Variants in ATL3 observed in about 807,000 individuals in gnomAD.
ATL3 encodes the protein atlastin-3.
A neutral mutation model predicts 69.5 loss-of-function variants in ATL3; 49 were observed. The observed-to-expected ratio is 0.71, with a 90% CI of 0.56 to 0.89. The LOEUF (loss-of-function observed/expected upper bound fraction) is 0.89. Among genes scored for constraint, ATL3 ranks in the 40% least tolerant of loss-of-function variants. The pLI is 0.00. For missense variants in ATL3, 606 were observed against 645.7 expected (o/e 0.94, Z 0.67); for synonymous variants, 214 against 224.1 (o/e 0.95, Z 0.40).
chr11:63,663,047 C>T (rs1004100059), intron 1 of ATL3, among the ~76,000 whole-genome samples: 5 of 152,192 alleles, frequency 3.3e-5, no homozygotes, highest in Non-Finnish European at 7.3e-5. Flanking sequence ...AAGACTCTCT[C>T]CCCTTCAAGC....
intron 1 of ATL3, among the ~76,000 whole-genome samples, chr11:63,667,883 T>C (rs1381485863): frequency 2.0e-5 from 3 of 152,038 alleles, no homozygotes; most frequent in African/African-American, 7.2e-5. Flanking sequence ...TACAGGCTAT[T>C]GAGCAGCATC....
Position 63,631,222 on chromosome 11 carries a change from C to T in ATL3, c.1357G>A (p.Ala453Thr). The T allele has an allele frequency of 1.2e-6, 2 of 1,614,210 alleles. No homozygotes were observed. The highest frequency in any genetic ancestry group is 1.7e-6 in the Non-Finnish European group (2 of 1,180,026). The change falls in exon 12 of 13, where the codon GCT becomes ACT. Residue 453 changes from alanine (A) to threonine (T), a missense_variant. By Grantham distance (58) the Ala-to-Thr change is moderately conservative. Coordinates refer to ENST00000398868, the MANE Select transcript of ATL3 (RefSeq NM_015459.5). ...TPAVLFTGIV[A>T]LYIASGLTGF... is the part of the protein sequence containing the mutation. ...GTGAGGCCTGAGGCTATGTACAAAG[C>T]TACAATGCCCGTGAACAGCACTGCA...
At chr11:63,654,210 G>A (rs1471686326) in intron 3 of ATL3, among the ~76,000 whole-genome samples, 6 of 149,712 alleles carry the variant, frequency 4.0e-5, no homozygotes, top group Non-Finnish European at 5.9e-5. Context: ...GCAGTGGCGC[G>A]ATCTCGGCTC....
intron 6 of ATL3, 119 bp from the exon 7 acceptor site, chr11:63,644,380 A>C: frequency 8.5e-6 from 4 of 468,580 alleles, no homozygotes; most frequent in South Asian, 2.7e-5. Flanking sequence ...AGAAGGATTT[A>C]CCTTTTTTTT....
At position 63,659,039 on chromosome 11, in the gene ATL3, T is replaced by C. The variant is rs1940342841; in HGVS notation, c.260A>G (p.Gln87Arg). 6.2e-7 allele frequency: 1 copy of C among 1,612,712 alleles called. No homozygotes were observed. Among genetic ancestry groups the C allele is most frequent in the African/African-American group, 1.3e-5 (1 of 74,912 alleles). Residue 87 changes from glutamine to arginine, a missense_variant and splice_region_variant, in exon 2 of 13, where the codon CAG (glutamine) becomes CGG (arginine). Gln to Arg is a conservative substitution (Grantham distance 43, BLOSUM62 1). Transcript: ENST00000398868. ...TGAAATAAAATAATTCTATCTTACC[T>C]GAGAATATAAGTATCGTAGCATAAA... ...LDFMLRYLYS[Q>R]KESGHSNWLG... is the part of the protein sequence containing the mutation.
chr11:63,643,616 T>C (rs1939771825), intron 7 of ATL3, 121 bp from the exon 8 acceptor site: 1 of 872,208 alleles, frequency 1.1e-6, no homozygotes. Flanking sequence ...AGTGGCCAAA[T>C]GAGAAAACTC....
At chr11:63,664,440 T>C (rs1440763869) in intron 1 of ATL3, among the ~76,000 whole-genome samples, 2 of 151,302 alleles carry the variant, frequency 1.3e-5, no homozygotes. Flanking sequence ...CTCGGGAGAC[T>C]GAAGCAGGAG....
Position 63,644,279 on chromosome 11 carries a change from G to A in ATL3, c.619-18C>T, listed in dbSNP as rs189686726. The A allele has an allele frequency of 7.2e-4, 1,082 of 1,499,826 alleles. 6 individuals are homozygous for A. The African/African-American group carries it at 0.011, about 16-fold the overall frequency. The allele number at this position is 1,499,826 out of a possible 1,614,324, so 92.9% of individuals were successfully genotyped here. A position where few individuals can be genotyped will look rare whatever the true frequency, so the allele number is the denominator to read the frequency against. ...ATCAGTGTCTATTTAAGAAAAGAGC[G>A]GAACATATTTTAACATGCATAAACA... On this transcript the variant is annotated intron_variant, in intron 6 of 12. Coordinates refer to ENST00000398868, the MANE Select transcript of ATL3 (RefSeq NM_015459.5).
In ATL3 at chr11:63,671,375, A is replaced by G. The variant is rs776746475; in HGVS notation, c.-40T>C. 6.5e-7 allele frequency: 1 copy of G among 1,548,618 alleles called. No homozygotes were observed. The highest frequency in any genetic ancestry group is 8.7e-7 in the Non-Finnish European group (1 of 1,149,804). On this transcript the variant is annotated 5_prime_UTR_variant, in exon 1 of 13. Coordinates refer to ENST00000398868, the MANE Select transcript of ATL3 (RefSeq NM_015459.5). The stretch of plus-strand genomic sequence containing the variant: ...CAAAGCAGAAGCAGCAGGGGTGCAG[A>G]GGAGAGGGACGGGTGCGGGCGGGAA...
At chr11:63,631,923 A>C (rs945445564) in intron 11 of ATL3, among the ~76,000 whole-genome samples, 4 of 152,168 alleles carry the variant, frequency 2.6e-5, no homozygotes, top group Non-Finnish European at 4.4e-5. Context: ...CGGAGGTTGC[A>C]GTGAGCCGAG....
Position 63,669,001 on chromosome 11 carries a change from A to AT in ATL3, c.46+2288dup, listed in dbSNP as rs199781103. ...CACCACGTTGGCTAACTTTTTTTTA[A>AT]TTTTTTTTTGGGTGGGGGGGGGCGT... is the stretch of plus-strand genomic sequence containing the variant. On this transcript the variant is annotated intron_variant, in intron 1 of 12. Transcript: ENST00000398868. Among the ~76,000 whole-genome samples, 97 of 103,168 alleles carry AT rather than the reference A, an allele frequency of 9.4e-4. 2 individuals carry two copies. Among genetic ancestry groups the AT allele is most frequent in the African/African-American group, 2.8e-3 (75 of 26,718 alleles). 67.7% of individuals were successfully genotyped at this position (103,168 alleles called of 152,430 possible).
chr11:63,646,621 C>A, intron 5 of ATL3, 58 bp from the exon 6 acceptor site: 1 of 1,167,034 alleles, frequency 8.6e-7, no homozygotes, highest in South Asian at 1.3e-5. Flanking sequence ...AGTTCTATGG[C>A]CTTTTTAGCA....
chr11:63,656,051 C>T (rs1180996359), intron 3 of ATL3, among the ~76,000 whole-genome samples: 2 of 151,848 alleles, frequency 1.3e-5, no homozygotes, highest in Admixed American at 6.6e-5. Context: ...AGTGAAACCC[C>T]GTCTCTACTA....
intron 1 of ATL3, among the ~76,000 whole-genome samples, chr11:63,662,725 C>G (rs1016518888): frequency 6.6e-6 from 1 of 152,174 alleles, no homozygotes; most frequent in African/African-American, 2.4e-5. Context: ...ATGATCCACT[C>G]GTCTCAACCT....
At position 63,624,596 on chromosome 11, in the gene ATL3, T is replaced by C. The variant is rs970999174; in HGVS notation, c.*4723A>G. On this transcript the variant is annotated 3_prime_UTR_variant, in exon 13 of 13. Transcript: ENST00000398868. Reference sequence around the variant, plus strand: ...AATGTTTCACCTGTATGTGAAAGATTTGGGGGTTCAAGTCACAGTGCTGAA... The same window carrying C: ...AATGTTTCACCTGTATGTGAAAGATCTGGGGGTTCAAGTCACAGTGCTGAA... The C allele has an allele frequency of 6.6e-6, 1 of 152,198 alleles. No homozygotes were observed. The highest frequency in any genetic ancestry group is 1.5e-5 in the Non-Finnish European group (1 of 68,036). 9.4% of individuals were successfully genotyped at this position (152,198 alleles called of 1,614,324 possible). A position where few individuals can be genotyped will look rare whatever the true frequency, so the allele number is the denominator to read the frequency against.
intron 6 of ATL3, among the ~76,000 whole-genome samples, chr11:63,646,222 CG>C (rs1243375328): frequency 1.3e-5 from 2 of 152,134 alleles, no homozygotes; most frequent in Non-Finnish European, 2.9e-5. Context: ...ATTACTCTGC[CG>C]TTGTAGCAGG....
At chr11:63,632,260 G>A (rs1038822518) in intron 11 of ATL3, 9 of 738,028 alleles carry the variant, frequency 1.2e-5, no homozygotes, top group African/African-American at 1.7e-5. Flanking sequence ...CTGACTTGTT[G>A]GCTATGCTAT....
intron 8 of ATL3, among the ~76,000 whole-genome samples, chr11:63,642,671 A>G (rs1939738204): frequency 6.6e-6 from 1 of 152,312 alleles, no homozygotes; most frequent in Middle Eastern, 3.4e-3. Flanking sequence ...TTTTCCTCAC[A>G]TATAAGATAA....
In ATL3 at chr11:63,646,474, G is replaced by C. The variant is rs769865896; in HGVS notation, c.618+33C>G. On this transcript the variant is annotated intron_variant, in intron 6 of 12. Transcript: ENST00000398868. Reference sequence around the variant, plus strand: ...GCCAATCTGTGAAAACAAAAACAAAGGTATGAATTATATTTAAAATAAATA... The same window carrying C: ...GCCAATCTGTGAAAACAAAAACAAACGTATGAATTATATTTAAAATAAATA... The C allele has an allele frequency of 5.3e-6, 7 of 1,327,938 alleles. No individual in the cohort carries two copies. The African/African-American group carries it at 9.6e-5, about 18-fold the overall frequency. The allele number at this position is 1,327,938 out of a possible 1,614,324, so 82.3% of individuals were successfully genotyped here. A position where few individuals can be genotyped will look rare whatever the true frequency, so the allele number is the denominator to read the frequency against.
Sources: gnomAD v4.1 joint callset for allele counts (sites outside exome capture counted in the v4.1 genomes callset) on GRCh38, gnomAD v4.1.1 for gene constraint, MANE v1.5 for transcripts, NCBI Gene and HGNC (gene_info 2026-07-23, HGNC 2026-07-21) for gene names.